The following ZPLD1 variants were observed in gnomAD, a reference collection of about 807,000 sequenced individuals.
The protein encoded by ZPLD1 is zona pellucida like domain containing 1.
Under a neutral mutation model 47.2 loss-of-function variants are expected in ZPLD1, and 34 were observed. The ratio of observed to expected loss-of-function variants is 0.72; its 90% CI spans 0.55 to 0.96. The LOEUF is 0.96. Among genes scored for constraint, ZPLD1 ranks in the 40% least tolerant of loss-of-function variants. The pLI is 0.00. For synonymous variants in ZPLD1, 176 were observed against 186.2 expected, an observed-to-expected ratio of 0.95 and a Z score of 0.45; for missense variants, 512 against 505.8, an observed-to-expected ratio of 1.01 and a Z score of -0.12.
chr3:102,414,450 C>T (rs1207716197), intron 7 of ZPLD1, among the ~76,000 whole-genome samples: 1 of 151,716 alleles, frequency 6.6e-6, no homozygotes, highest in African/African-American at 2.4e-5. Flanking sequence ...AGTAATTGCG[C>T]TTTAATAGCC....
At chr3:102,477,308 G>A in intron 11 of ZPLD1, 135 bp from the exon 12 acceptor site, 2 of 1,062,382 alleles carry the variant, frequency 1.9e-6, no homozygotes, top group South Asian at 3.1e-5. Context: ...CAGTCAAATA[G>A]ATTGTAACAC....
At chr3:102,462,997 G>A (rs1576163054) in intron 7 of ZPLD1, among the ~76,000 whole-genome samples, 1 of 152,100 alleles carries the variant, frequency 6.6e-6, no homozygotes, top group South Asian at 2.1e-4. Flanking sequence ...GAAGAGATTG[G>A]TATACTCTAT....
chr3:102,390,018 T>C (rs567046711), intron 6 of ZPLD1, among the ~76,000 whole-genome samples: 66 of 152,272 alleles, frequency 4.3e-4, no homozygotes, highest in African/African-American at 1.5e-3. Flanking sequence ...GGGATACTTG[T>C]AAAGTAGGCT....
chr3:102,395,783 G>A (rs969956114), intron 7 of ZPLD1, among the ~76,000 whole-genome samples: 1 of 152,130 alleles, frequency 6.6e-6, no homozygotes, highest in African/African-American at 2.4e-5. Flanking sequence ...ACTTGGAGGT[G>A]GGTGCAAAAC....
chr3:102,404,323 G>A (rs1046650251), intron 7 of ZPLD1, among the ~76,000 whole-genome samples: 1 of 151,900 alleles, frequency 6.6e-6, no homozygotes, highest in Non-Finnish European at 1.5e-5. Flanking sequence ...ACAAGAAAAT[G>A]AGGTATTTAC....
intron 6 of ZPLD1, among the ~76,000 whole-genome samples, chr3:102,459,476 C>T (rs1707473285): frequency 6.6e-6 from 1 of 152,062 alleles, no homozygotes; most frequent in Admixed American, 6.5e-5. Flanking sequence ...TTCAGGAAGG[C>T]TTTGTTATTA....
chr3:102,429,081 T>C (rs1445404549), intron 8 of ZPLD1, among the ~76,000 whole-genome samples: 1 of 152,152 alleles, frequency 6.6e-6, no homozygotes, highest in Non-Finnish European at 1.5e-5. Flanking sequence ...TATGGCTAGA[T>C]TCTTATTTGC....
chr3:102,412,784 A>C (rs895318504), intron 7 of ZPLD1, among the ~76,000 whole-genome samples: 1 of 151,626 alleles, frequency 6.6e-6, no homozygotes, highest in Non-Finnish European at 1.5e-5. Context: ...GACTGGTTTC[A>C]TTTGACAGGG....
At chr3:102,389,908 A>C (rs1706476093) in intron 6 of ZPLD1, among the ~76,000 whole-genome samples, 1 of 152,184 alleles carries the variant, frequency 6.6e-6, no homozygotes, top group African/African-American at 2.4e-5. Flanking sequence ...AGAATTACTA[A>C]GAATTATTTG....
intron 7 of ZPLD1, among the ~76,000 whole-genome samples, chr3:102,405,171 G>A (rs561627271): frequency 6.6e-6 from 1 of 152,042 alleles, no homozygotes; most frequent in South Asian, 2.1e-4. Context: ...CATAATAAGT[G>A]CACTTAATAA....
intron 4 of ZPLD1, among the ~76,000 whole-genome samples, chr3:102,453,680 A>C (rs1405741584): frequency 6.6e-6 from 1 of 152,206 alleles, no homozygotes; most frequent in Non-Finnish European, 1.5e-5. Flanking sequence ...TTGTCCTTTG[A>C]ATTTCAAAAT....
chr3:102,387,892 T>G (rs1442817512), intron 6 of ZPLD1, among the ~76,000 whole-genome samples: 1 of 136,390 alleles, frequency 7.3e-6, no homozygotes, highest in Non-Finnish European at 1.6e-5. Context: ...GGAGTCTCTC[T>G]CTCTGTCGCC....
intron 6 of ZPLD1, among the ~76,000 whole-genome samples, chr3:102,390,948 G>A (rs1321636163): frequency 1.3e-5 from 2 of 152,054 alleles, no homozygotes; most frequent in Non-Finnish European, 2.9e-5. Context: ...AAAAAAAAAT[G>A]TCAGAAAAGG....
At chr3:102,392,550 T>C (rs1340855611) in intron 7 of ZPLD1, among the ~76,000 whole-genome samples, 10 of 93,718 alleles carry the variant, frequency 1.1e-4, no homozygotes, top group South Asian at 2.9e-4. Context: ...CTCCCTCCCT[T>C]CCTTCCTCCT....
At chr3:102,444,309 C>T (rs1289556054) in intron 3 of ZPLD1, among the ~76,000 whole-genome samples, 2 of 152,114 alleles carry the variant, frequency 1.3e-5, no homozygotes, top group African/African-American at 4.8e-5. Flanking sequence ...CATTTGCTAA[C>T]GAGAAACAGA....
intron 7 of ZPLD1, among the ~76,000 whole-genome samples, chr3:102,397,332 T>G (rs1225595188): frequency 6.6e-6 from 1 of 152,150 alleles, no homozygotes; most frequent in African/African-American, 2.4e-5. Context: ...TCTTGCTCTC[T>G]CTTTCCTCCT....
intron 7 of ZPLD1, among the ~76,000 whole-genome samples, chr3:102,409,326 G>A (rs995852007): frequency 1.3e-5 from 2 of 151,722 alleles, no homozygotes; most frequent in South Asian, 2.1e-4. Flanking sequence ...CGAGATAATG[G>A]CATTAATCTA....
At chr3:102,472,006 C>T (rs1281920957) in intron 10 of ZPLD1, among the ~76,000 whole-genome samples, 2 of 152,160 alleles carry the variant, frequency 1.3e-5, no homozygotes, top group Non-Finnish European at 2.9e-5. Flanking sequence ...GCCCATCCCA[C>T]AGTCAAAAGA....
In ZPLD1 at chr3:102,456,362, C is replaced by A. The variant is rs1707413367; in HGVS notation, c.497C>A (p.Thr166Asn). The change falls in exon 5 of 12, where the codon ACC (threonine) becomes AAC (asparagine). Residue 166 changes from threonine to asparagine, a missense_variant. Transcript: ENST00000466937. ...SYPLEYLVNN[T>N]QLASSSAAIS... ...CCATTGGAATACCTGGTTAATAATA[C>A]CCAGCTTGCTTCGTAAGTTTGCATT... is the stretch of plus-strand genomic sequence containing the variant. 3 of 1,609,942 alleles carry A rather than the reference C, an allele frequency of 1.9e-6. No homozygotes were observed. Among genetic ancestry groups the A allele is most frequent in the Non-Finnish European group, 1.7e-6 (2 of 1,178,568 alleles).
Sources: gnomAD v4.1 joint callset for allele counts (sites outside exome capture counted in the v4.1 genomes callset) on GRCh38, gnomAD v4.1.1 for gene constraint, MANE v1.5 for transcripts, NCBI Gene and HGNC (gene_info 2026-07-23, HGNC 2026-07-21) for gene names.